Variants in TNK2 observed in about 807,000 individuals in gnomAD.
TNK2 encodes the protein activated CDC42 kinase 1.
TNK2 carries 83 observed loss-of-function variants against 101.8 expected under a neutral mutation model. The ratio of observed to expected loss-of-function variants is 0.82; its 90% CI spans 0.68 to 0.98. The LOEUF (loss-of-function observed/expected upper bound fraction) is 0.98. Among genes scored for constraint, TNK2 ranks in the 50% least tolerant of loss-of-function variants. The probability of loss-of-function intolerance (pLI) is 0.00; values close to 1 mark genes in which losing one functional copy is unlikely to be tolerated. For synonymous variants in TNK2, 804 were observed against 633.0 expected (o/e 1.27, Z -4.06); for missense variants, 1,665 against 1,483.2 (o/e 1.12, Z -2.01).
chr3:195,869,041 G>A (rs554636837), intron 12 of TNK2: 76 of 455,136 alleles, frequency 1.7e-4, no homozygotes, highest in African/African-American at 1.1e-3. Context: ...GCGCCCTGGC[G>A]AGTTAGTGAG....
At chr3:195,903,901 T>C (rs1199031976) in intron 1 of TNK2, among the ~76,000 whole-genome samples, 1 of 152,208 alleles carries the variant, frequency 6.6e-6, no homozygotes, top group Non-Finnish European at 1.5e-5. Flanking sequence ...TTAGCAAGAC[T>C]GCAGGATTCA....
At chr3:195,879,676 C>T (rs146983496) in intron 6 of TNK2, among the ~76,000 whole-genome samples, 160 of 152,234 alleles carry the variant, frequency 1.1e-3, no homozygotes, top group African/African-American at 3.4e-3. Flanking sequence ...TGGGCACCCC[C>T]GGTTGAGGGG....
In TNK2 at chr3:195,882,319, GCTCTGTCAC is replaced by G. The variant is rs1753498650; in HGVS notation, c.610_618del (p.Val204_Glu206del). Reference sequence around the variant, plus strand: ...TCCAACAACGATCCCAGAGGTGCCAGCTCTGTCACCTGAGGCCACGGAGGAGGCAGGAGG... The same window carrying G: ...TCCAACAACGATCCCAGAGGTGCCAGCTGAGGCCACGGAGGAGGCAGGAGG... On this transcript the variant is annotated inframe_deletion and splice_region_variant, in exon 6 of 16. Transcript: ENST00000672887. This position sits in a 1 kb window ranked among gnomAD's most constrained non-coding sequence, Gnocchi z 4.2. 3 of 1,611,084 alleles carry G rather than the reference GCTCTGTCAC, an allele frequency of 1.9e-6. No individual in the cohort carries two copies. The highest frequency in any genetic ancestry group is 1.7e-6 in the Non-Finnish European group (2 of 1,177,872).
chr3:195,896,498 A>G (rs2149817241), intron 1 of TNK2, among the ~76,000 whole-genome samples: 1 of 152,302 alleles, frequency 6.6e-6, no homozygotes, highest in Admixed American at 6.5e-5. Context: ...TCTATGCTGT[A>G]CAGAAGCTCC....
Position 195,870,186 on chromosome 3 carries a change from T to C in TNK2, c.1471A>G (p.Met491Val), listed in dbSNP as rs760352970. 1 of 1,533,482 alleles carries C rather than the reference T, an allele frequency of 6.5e-7. No homozygotes were observed. Among genetic ancestry groups the C allele is most frequent in the South Asian group, 1.2e-5 (1 of 84,032 alleles). The allele number at this position is 1,533,482 out of a possible 1,614,324, so 95.0% of individuals were successfully genotyped here. A position where few individuals can be genotyped will look rare whatever the true frequency, so the allele number is the denominator to read the frequency against. ...RIDELYLGNP[M>V]DPPDLLSVEL... is the part of the protein sequence containing the mutation. ...ACGCTCAGGAGGTCGGGGGGGTCCA[T>C]GGGGTTTCCCAGATACAGTCTGTGG... Residue 491 changes from methionine to valine, a missense_variant, in exon 11 of 16, where the codon ATG (methionine) becomes GTG (valine). Coordinates refer to ENST00000672887, the MANE Select transcript of TNK2 (RefSeq NM_001382273.1).
In TNK2 at chr3:195,871,139, G is replaced by A. The variant is rs535023435; in HGVS notation, c.1452-934C>T. ...CAGGAGAAGGGCTGCAGAGGCCAGGGGCCTGGAATCCCCCTGCGGCCAGCA... is the reference window on the plus strand; with the variant it reads ...CAGGAGAAGGGCTGCAGAGGCCAGGAGCCTGGAATCCCCCTGCGGCCAGCA... On this transcript the variant is annotated intron_variant, in intron 10 of 15. Transcript: ENST00000672887. Among the ~76,000 whole-genome samples, 5 of 152,122 alleles carry A rather than the reference G, an allele frequency of 3.3e-5. No individual in the cohort carries two copies. The East Asian group carries it at 5.8e-4, about 18-fold the overall frequency.
chr3:195,896,535 C>A (rs1199926197), intron 1 of TNK2, among the ~76,000 whole-genome samples: 1 of 152,224 alleles, frequency 6.6e-6, no homozygotes, highest in Non-Finnish European at 1.5e-5. Flanking sequence ...GCTAAAGGCA[C>A]ATACTAGTCT....
At chr3:195,891,874 C>G (rs554963613) in intron 1 of TNK2, 1 of 975,174 alleles carries the variant, frequency 1.0e-6, no homozygotes, top group Non-Finnish European at 1.2e-6. Context: ...AAGCACAGCC[C>G]GGCCTGTTCC....
At chr3:195,893,143 C>A (rs1759275670) in intron 1 of TNK2, among the ~76,000 whole-genome samples, 1 of 151,976 alleles carries the variant, frequency 6.6e-6, no homozygotes, top group Non-Finnish European at 1.5e-5. Context: ...AGGCTTGGAC[C>A]CCAGAGGCTC....
At chr3:195,869,278 G>A in intron 12 of TNK2, 1 of 612,496 alleles carries the variant, frequency 1.6e-6, no homozygotes, top group Non-Finnish European at 2.9e-6. Flanking sequence ...TGAGGCCGAG[G>A]CGGAAGCCAG....
At chr3:195,879,202 G>A in intron 6 of TNK2, 27 bp from the exon 7 acceptor site, 4 of 1,611,790 alleles carry the variant, frequency 2.5e-6, no homozygotes, top group Non-Finnish European at 3.4e-6. Context: ...TCAAAGAGAA[G>A]CCCTCTCAAA....
chr3:195,873,050 G>A (rs930856198), intron 9 of TNK2, among the ~76,000 whole-genome samples: 1 of 152,076 alleles, frequency 6.6e-6, no homozygotes, highest in Admixed American at 6.5e-5. Flanking sequence ...AGGAGCACTC[G>A]GGCAACTCAG....
At position 195,885,172 on chromosome 3, in the gene TNK2, C is replaced by T. The variant is rs1445985823; in HGVS notation, c.235-139G>A. On this transcript the variant is annotated intron_variant, in intron 3 of 15. Transcript: ENST00000672887. The surrounding 1 kb of genome is among the most constrained non-coding windows in gnomAD (Gnocchi z 4.7). ...TGGTTTTGCCAAACTGTCAGTGGGGCAGCCTGGCTGGAGGCCCACACTCCG... is the reference window on the plus strand; with the variant it reads ...TGGTTTTGCCAAACTGTCAGTGGGGTAGCCTGGCTGGAGGCCCACACTCCG... 1.9e-6 allele frequency: 2 copies of T among 1,046,256 alleles called. No homozygotes were observed. The highest frequency in any genetic ancestry group is 2.9e-5 in the Admixed American group (1 of 34,434). 64.8% of individuals were successfully genotyped at this position (1,046,256 alleles called of 1,614,324 possible).
Position 195,886,928 on chromosome 3 carries a change from G to A in TNK2, c.234+49C>T, listed in dbSNP as rs760184339. 4.4e-6 allele frequency: 7 copies of A among 1,595,780 alleles called. No homozygotes were observed. Among genetic ancestry groups the A allele is most frequent in the East Asian group, 2.2e-5 (1 of 44,776 alleles). On this transcript the variant is annotated intron_variant, in intron 3 of 15. Transcript: ENST00000672887. This position sits in a 1 kb window ranked among gnomAD's most constrained non-coding sequence, Gnocchi z 4.2. ...TTCCCAGGACCAGAAGCGGAGGGGG[G>A]CGTTCGAGGCTGCCCCCCTCCCACC...
rs1168117363 is a variant in TNK2, at chr3:195,879,056, C to T, written c.1007G>A (p.Gly336Asp). 6.2e-7 allele frequency: 1 copy of T among 1,613,444 alleles called. No homozygotes were observed. Among genetic ancestry groups the T allele is most frequent in the Non-Finnish European group, 8.5e-7 (1 of 1,179,960 alleles). The stretch of plus-strand genomic sequence containing the variant: ...CCGTCTCCCAGCCCTCACCTGACTG[C>T]CGTTGAGGCCGATCCAGGGCTCCTG... Reference protein sequence around the residue: ...YGQEPWIGLNGSQILHKIDKE... With the variant: ...YGQEPWIGLNDSQILHKIDKE... The change falls in exon 7 of 16, where the codon GGC becomes GAC. Residue 336 changes from glycine to aspartate, a missense_variant. By Grantham distance (94) the Gly-to-Asp change is moderately conservative (BLOSUM62 -1). Transcript: ENST00000672887.
At chr3:195,907,178 G>A (rs145039321) in intron 1 of TNK2, among the ~76,000 whole-genome samples, 4 of 152,354 alleles carry the variant, frequency 2.6e-5, no homozygotes, top group African/African-American at 9.6e-5. Flanking sequence ...CTCCACTGAA[G>A]CCAGACAGTG....
intron 2 of TNK2, among the ~76,000 whole-genome samples, chr3:195,887,456 TTAAC>T (rs1464192972): frequency 6.6e-6 from 1 of 152,262 alleles, no homozygotes; most frequent in African/African-American, 2.4e-5. Context: ...TTTAGCTATT[TTAAC>T]TAAGTCAGTG....
intron 10 of TNK2, among the ~76,000 whole-genome samples, chr3:195,871,273 C>T (rs1745136070): frequency 6.6e-6 from 1 of 152,104 alleles, no homozygotes; most frequent in Non-Finnish European, 1.5e-5. Context: ...GCCTTATCCT[C>T]TTACATAGGA....
At chr3:195,902,566 C>T (rs559364607) in intron 1 of TNK2, among the ~76,000 whole-genome samples, 1 of 143,392 alleles carries the variant, frequency 7.0e-6, no homozygotes, top group African/African-American at 2.6e-5. Flanking sequence ...TGCAGTGAGC[C>T]GAGATTGCAC....
Sources: gnomAD v4.1 joint callset for allele counts (sites outside exome capture counted in the v4.1 genomes callset) on GRCh38, gnomAD v4.1.1 for gene constraint, Gnocchi (gnomAD v3.1) non-coding constraint, MANE v1.5 for transcripts, NCBI Gene and HGNC (gene_info 2026-07-23, HGNC 2026-07-21) for gene names.